The following SMARCA5 variants were observed in gnomAD, a reference collection of about 807,000 sequenced individuals.
SMARCA5 encodes SNF2 related chromatin remodeling ATPase 5.
Under a neutral mutation model 140.4 loss-of-function variants are expected in SMARCA5, and 18 were observed. The ratio of observed to expected loss-of-function variants is 0.13; its 90% CI spans 0.09 to 0.19. SMARCA5 has a LOEUF of 0.19. Ranked by LOEUF, SMARCA5 falls within the 10% of genes least tolerant of loss-of-function variation. The pLI, the probability that SMARCA5 is intolerant of heterozygous loss-of-function variation, is 1.00. For missense variants in SMARCA5, 606 were observed against 1,276.8 expected, an observed-to-expected ratio of 0.47 and a Z score of 8.01; for synonymous variants, 449 against 419.6, an observed-to-expected ratio of 1.07 and a Z score of -0.86.
intron 3 of SMARCA5, among the ~76,000 whole-genome samples, chr4:143,523,190 C>T (rs1736998104): frequency 6.6e-6 from 1 of 152,026 alleles, no homozygotes; most frequent in African/African-American, 2.4e-5. Flanking sequence ...CCACGCCCAG[C>T]TCATTTTTGT....
chr4:143,530,373 C>A, intron 8 of SMARCA5, 85 bp from the exon 9 acceptor site: 2 of 816,720 alleles, frequency 2.4e-6, no homozygotes, highest in Non-Finnish European at 3.7e-6. Context: ...ATTACTAATT[C>A]TAGAAATCAT....
At chr4:143,535,031 T>C (rs754118228) in intron 10 of SMARCA5, 67 bp downstream of exon 10, 9 of 1,154,286 alleles carry the variant, frequency 7.8e-6, no homozygotes, top group Non-Finnish European at 1.1e-5. Context: ...GTATTTTGTT[T>C]TCCTAATTTG....
At position 143,556,276 on chromosome 4, in the gene SMARCA5, T is replaced by C. The variant is rs1737751956; in HGVS notation, c.*3092T>C. On this transcript the variant is annotated 3_prime_UTR_variant, in exon 24 of 24. Coordinates refer to ENST00000283131, the MANE Select transcript of SMARCA5 (RefSeq NM_003601.4). ...TTGAACTAATCTGGATTTAATTATATAAATGATTATATAAATGATCTTTGG... is the reference window on the plus strand; with the variant it reads ...TTGAACTAATCTGGATTTAATTATACAAATGATTATATAAATGATCTTTGG... The C allele has an allele frequency of 6.6e-6, 1 of 152,218 alleles. No individual in the cohort carries two copies. Among genetic ancestry groups the C allele is most frequent in the Non-Finnish European group, 1.5e-5 (1 of 68,030 alleles). 9.4% of individuals were successfully genotyped at this position (152,218 alleles called of 1,614,324 possible).
intron 3 of SMARCA5, among the ~76,000 whole-genome samples, chr4:143,522,834 G>A (rs1016145646): frequency 1.3e-5 from 2 of 151,596 alleles, no homozygotes; most frequent in Non-Finnish European, 2.9e-5. Flanking sequence ...TTTTTTATAA[G>A]ATAAAAAAGA....
At chr4:143,538,759 T>A in intron 12 of SMARCA5, 27 bp from the exon 13 acceptor site, 1 of 1,613,260 alleles carries the variant, frequency 6.2e-7, no homozygotes, top group Non-Finnish European at 8.5e-7. Flanking sequence ...GATAAATTTT[T>A]TGACAACCAT....
Position 143,557,354 on chromosome 4 carries a change from T to C in SMARCA5, c.*4170T>C, listed in dbSNP as rs775871340. 13 of 152,246 alleles carry C rather than the reference T, an allele frequency of 8.5e-5. No individual in the cohort carries two copies. Among genetic ancestry groups the C allele is most frequent in the Non-Finnish European group, 1.8e-4 (12 of 68,036 alleles). The allele number at this position is 152,246 out of a possible 1,614,324, so 9.4% of individuals were successfully genotyped here. On this transcript the variant is annotated 3_prime_UTR_variant, in exon 24 of 24. Transcript: ENST00000283131. ...TACAAAGAATATGCATATAGTTTGCTTACTACAGAAATTCTTGTTTTTGAT... is the reference window on the plus strand; with the variant it reads ...TACAAAGAATATGCATATAGTTTGCCTACTACAGAAATTCTTGTTTTTGAT...
rs942307087 is a variant in SMARCA5, at chr4:143,513,910, C to T, written c.-15C>T. 2 of 1,538,002 alleles carry T rather than the reference C, an allele frequency of 1.3e-6. No homozygotes were observed. Among genetic ancestry groups the T allele is most frequent in the African/African-American group, 1.4e-5 (1 of 72,668 alleles). On this transcript the variant is annotated 5_prime_UTR_variant, in exon 1 of 24. The change creates a new upstream start codon in the 5' untranslated region. Transcript: ENST00000283131. ...TCGGGCCTCTGGCAGCAGCGGGTGA[C>T]GCAGACGGAACATCATGTCGTCCGC...
Position 143,517,368 on chromosome 4 carries a change from A to G in SMARCA5, c.191A>G (p.Asp64Gly), listed in dbSNP as rs751361829. ...ADAEMEEIFD[D>G]ASPGKQKEIQ... ...TCTTTCTACCAGGAAATATTTGATG[A>G]TGCGTCACCTGGAAAGCAAAAGGAA... Residue 64 changes from aspartate to glycine, a missense_variant, in exon 2 of 24, where the codon GAT becomes GGT. Asp to Gly is a moderately conservative substitution (Grantham distance 94). Around this residue, in one of 10 missense-constraint regions of SMARCA5, gnomAD observed 164 missense variants for 128.4 expected, o/e 1.28. Coordinates refer to ENST00000283131, the MANE Select transcript of SMARCA5 (RefSeq NM_003601.4). 3 of 1,608,306 alleles carry G rather than the reference A, an allele frequency of 1.9e-6. No individual in the cohort carries two copies. Among genetic ancestry groups the G allele is most frequent in the East Asian group, 2.2e-5 (1 of 44,732 alleles).
chr4:143,545,853 A>G, intron 18 of SMARCA5, 72 bp from the exon 19 acceptor site: 2 of 1,339,546 alleles, frequency 1.5e-6, no homozygotes, highest in Non-Finnish European at 2.1e-6. Flanking sequence ...AACTTGTGAA[A>G]TGTCAGTTAG....
intron 18 of SMARCA5, 97 bp from the exon 19 acceptor site, chr4:143,545,828 T>C (rs1255280449): frequency 1.0e-5 from 12 of 1,146,126 alleles, no homozygotes; most frequent in Non-Finnish European, 1.5e-5. Flanking sequence ...ATATTTTCTT[T>C]CCTGGTTGAA....
chr4:143,537,752 C>CA (rs1263824446), intron 11 of SMARCA5, among the ~76,000 whole-genome samples: 1 of 151,508 alleles, frequency 6.6e-6, no homozygotes, highest in Non-Finnish European at 1.5e-5. Context: ...CTGTCTCTAT[C>CA]AAAAATACAA....
intron 6 of SMARCA5, among the ~76,000 whole-genome samples, 173 bp downstream of exon 6, chr4:143,526,633 G>A (rs1033747521): frequency 2.6e-5 from 4 of 152,058 alleles, no homozygotes; most frequent in Non-Finnish European, 2.9e-5. Context: ...AGGCCGAGGC[G>A]GGTGGATCAT....
At chr4:143,544,593 G>A in intron 16 of SMARCA5, 144 bp from the exon 17 acceptor site, 1 of 513,856 alleles carries the variant, frequency 1.9e-6, no homozygotes, top group East Asian at 3.2e-5. Flanking sequence ...ATAATATTGA[G>A]CAAAGTATCA....
chr4:143,555,163 A>C lies in SMARCA5; in HGVS notation c.*1979A>C. ...TACTGCTACTGGAACTGCCTTAGCC[A>C]CCTTGGTATCGTGGTTTGGCAAAGT... is the stretch of plus-strand genomic sequence containing the variant. On this transcript the variant is annotated 3_prime_UTR_variant, in exon 24 of 24. Coordinates refer to ENST00000283131, the MANE Select transcript of SMARCA5 (RefSeq NM_003601.4). The C allele has an allele frequency of 1.4e-6, 1 of 717,442 alleles. No individual in the cohort carries two copies. Among genetic ancestry groups the C allele is most frequent in the Non-Finnish European group, 2.6e-6 (1 of 388,690 alleles). 44.4% of individuals were successfully genotyped at this position (717,442 alleles called of 1,614,324 possible). A position where few individuals can be genotyped will look rare whatever the true frequency, so the allele number is the denominator to read the frequency against.
At chr4:143,531,202 T>TC (rs1183278464) in intron 9 of SMARCA5, among the ~76,000 whole-genome samples, 2 of 152,204 alleles carry the variant, frequency 1.3e-5, no homozygotes, top group African/African-American at 4.8e-5. Flanking sequence ...GGGCTAAAGA[T>TC]CCATCTGTTT....
chr4:143,528,541 A>G, intron 7 of SMARCA5, 42 bp from the exon 8 acceptor site: 1 of 1,578,594 alleles, frequency 6.3e-7, no homozygotes, highest in Non-Finnish European at 8.6e-7. Context: ...ATAATGCAAT[A>G]TGCAGAATAT....
chr4:143,541,808 G>A (rs1737431795), intron 14 of SMARCA5, among the ~76,000 whole-genome samples: 1 of 151,872 alleles, frequency 6.6e-6, no homozygotes. Context: ...CATGTGTTTT[G>A]AAATACACCT....
rs371029774 is a variant in SMARCA5, at chr4:143,518,758, T to C, written c.252+1329T>C. Among the ~76,000 whole-genome samples, 21 of 152,278 alleles carry C rather than the reference T, an allele frequency of 1.4e-4. 1 individual carries two copies. Among genetic ancestry groups the C allele is most frequent in the African/African-American group, 5.1e-4 (21 of 41,578 alleles). On this transcript the variant is annotated intron_variant, in intron 2 of 23. Transcript: ENST00000283131. Reference sequence around the variant, plus strand: ...TATATGTAACTGTCACCTTTTTTGCTATCAAACTTAGAGAAAAAATAGATT... The same window carrying C: ...TATATGTAACTGTCACCTTTTTTGCCATCAAACTTAGAGAAAAAATAGATT...
chr4:143,535,713 T>G (rs1737288577), intron 10 of SMARCA5, among the ~76,000 whole-genome samples: 1 of 152,158 alleles, frequency 6.6e-6, no homozygotes, highest in African/African-American at 2.4e-5. Flanking sequence ...AGAATTGAGA[T>G]GGAAAGGTCT....
Sources: allele counts gnomAD v4.1 joint callset (sites outside exome capture counted in the v4.1 genomes callset), GRCh38; gene constraint gnomAD v4.1.1; regional missense constraint gnomAD v4.1.1; transcripts MANE v1.5; gene names NCBI Gene and HGNC (gene_info 2026-07-23, HGNC 2026-07-21).